The following ZNF638 variants were observed in gnomAD, a reference collection of about 807,000 sequenced individuals.
ZNF638 encodes the protein CTCL tumor antigen se33-1.
ZNF638 carries 46 observed loss-of-function variants against 195.6 expected under a neutral mutation model. That is an observed-to-expected ratio of 0.24 (90% confidence interval 0.19 to 0.30). ZNF638 has a LOEUF of 0.30. Ranked by LOEUF, ZNF638 falls within the 10% of genes least tolerant of loss-of-function variation. The probability of loss-of-function intolerance (pLI) is 1.00; values close to 1 mark genes in which losing one functional copy is unlikely to be tolerated. For missense variants in ZNF638, 2,440 were observed against 2,325.3 expected (o/e 1.05, Z -1.01); for synonymous variants, 845 against 772.0 (o/e 1.09, Z -1.57).
intron 3 of ZNF638, among the ~76,000 whole-genome samples, chr2:71,358,669 T>TG (rs2079062275): frequency 6.6e-6 from 1 of 152,234 alleles, no homozygotes; most frequent in African/African-American, 2.4e-5. Flanking sequence ...GGCCTCATGA[T>TG]GCCTTCACAG....
rs375176959 is a variant in ZNF638, at chr2:71,341,191, C to T, written c.-202-7562C>T. 2.0e-5 allele frequency among the ~76,000 whole-genome samples: 3 copies of T among 152,166 alleles called. 1 individual carries two copies. In the South Asian group the frequency reaches 6.2e-4, roughly 32 times the overall value. Reference sequence around the variant, plus strand: ...TCAAGCCGTTTCATCATGGCTTCCTCAAGAACCCAGTTTCTACTATGTTTC... The same window carrying T: ...TCAAGCCGTTTCATCATGGCTTCCTTAAGAACCCAGTTTCTACTATGTTTC... On this transcript the variant is annotated intron_variant, in intron 1 of 27. Coordinates refer to ENST00000264447, the MANE Select transcript of ZNF638 (RefSeq NM_014497.5).
At chr2:71,421,124 G>T (rs2080423228) in intron 21 of ZNF638, among the ~76,000 whole-genome samples, 1 of 152,058 alleles carries the variant, frequency 6.6e-6, no homozygotes, top group Non-Finnish European at 1.5e-5. Flanking sequence ...TTTATGTAGG[G>T]TTAATATGCA....
Position 71,349,970 on chromosome 2 carries a change from C to T in ZNF638, c.1016C>T (p.Ser339Leu), listed in dbSNP as rs200383884. The change falls in exon 2 of 28, where the codon TCG becomes TTG. Residue 339 changes from serine to leucine, a missense_variant. Ser to Leu is a moderately radical substitution (Grantham distance 145). Transcript: ENST00000264447. ...TCTATGAACCAGCAACCTTTTTCGT[C>T]GGAATTAATTTCATCTGTAAGCCAG... ...PPSMNQQPFS[S>L]ELISSVSQQE... 1.2e-4 allele frequency: 195 copies of T among 1,614,132 alleles called. 1 individual carries two copies. The highest frequency in any genetic ancestry group is 4.9e-4 in the South Asian group (45 of 91,082).
At chr2:71,399,808 G>A (rs1294219598) in intron 13 of ZNF638, among the ~76,000 whole-genome samples, 163 bp downstream of exon 13, 1 of 152,120 alleles carries the variant, frequency 6.6e-6, no homozygotes, top group Non-Finnish European at 1.5e-5. Flanking sequence ...GGACCCATTA[G>A]TTATTTTTCC....
intron 1 of ZNF638, among the ~76,000 whole-genome samples, chr2:71,338,216 AC>A (rs2078704647): frequency 6.6e-6 from 1 of 152,150 alleles, no homozygotes; most frequent in Non-Finnish European, 1.5e-5. Context: ...CCTCTGTAAC[AC>A]CCACTCATGA....
At chr2:71,392,155 A>G (rs1450392611) in intron 10 of ZNF638, among the ~76,000 whole-genome samples, 1 of 152,120 alleles carries the variant, frequency 6.6e-6, no homozygotes, top group Non-Finnish European at 1.5e-5. Context: ...CCATCTCTAG[A>G]TTTTCAATTA....
chr2:71,360,536 T>C (rs2079091634), intron 3 of ZNF638, among the ~76,000 whole-genome samples: 1 of 152,318 alleles, frequency 6.6e-6, no homozygotes, highest in East Asian at 1.9e-4. Flanking sequence ...TCTCTTTTAA[T>C]CTAGAATAGC....
intron 1 of ZNF638, among the ~76,000 whole-genome samples, chr2:71,345,774 A>C (rs2078840995): frequency 6.6e-6 from 1 of 152,116 alleles, no homozygotes; most frequent in African/African-American, 2.4e-5. Context: ...CCAAAGTGCT[A>C]GGACTACCGG....
chr2:71,430,388 T>C (rs1211132493), intron 25 of ZNF638, among the ~76,000 whole-genome samples: 8 of 152,124 alleles, frequency 5.3e-5, no homozygotes, highest in Admixed American at 4.6e-4. Context: ...CTTTTTCTTA[T>C]TGATTGTAGG....
At chr2:71,381,658 C>G (rs1431959609) in intron 10 of ZNF638, among the ~76,000 whole-genome samples, 1 of 152,054 alleles carries the variant, frequency 6.6e-6, no homozygotes, top group Non-Finnish European at 1.5e-5. Context: ...AGAGTAATTT[C>G]TGAAAGAAGT....
intron 11 of ZNF638, among the ~76,000 whole-genome samples, chr2:71,397,981 C>T (rs966455773): frequency 6.6e-6 from 1 of 152,094 alleles, no homozygotes; most frequent in Admixed American, 6.6e-5. Flanking sequence ...AATTAGGAGC[C>T]GTGGAAGTGT....
At chr2:71,333,442 G>T (rs1382759882) in intron 1 of ZNF638, among the ~76,000 whole-genome samples, 1 of 152,078 alleles carries the variant, frequency 6.6e-6, no homozygotes, top group African/African-American at 2.4e-5. Flanking sequence ...TTGTATATTG[G>T]TTGTATTTGT....
At chr2:71,392,381 C>T (rs140014557) in intron 10 of ZNF638, among the ~76,000 whole-genome samples, 53 of 152,278 alleles carry the variant, frequency 3.5e-4, no homozygotes, top group Admixed American at 1.2e-3. Context: ...GATTTACTAC[C>T]GCTCAGGGAG....
In ZNF638 at chr2:71,402,564, C is replaced by CTGAT. The variant is rs1397106703; in HGVS notation, c.2829+478_2829+479insGATT. 2.0e-5 allele frequency among the ~76,000 whole-genome samples: 3 copies of CTGAT among 152,138 alleles called. No homozygotes were observed. In the East Asian group the frequency reaches 5.8e-4, roughly 29 times the overall value. The stretch of plus-strand genomic sequence containing the variant: ...ACTTGTATTTCATACTCTTTCTGCT[C>CTGAT]TTATCAGTGATACTCAAATGGGAAG... On this transcript the variant is annotated intron_variant, in intron 16 of 27. Transcript: ENST00000264447.
At chr2:71,372,851 C>T (rs575662096) in intron 8 of ZNF638, among the ~76,000 whole-genome samples, 2 of 152,294 alleles carry the variant, frequency 1.3e-5, no homozygotes, top group African/African-American at 4.8e-5. Flanking sequence ...TAGTGCATTC[C>T]TCATTCTTTG....
chr2:71,345,527 T>C (rs1424488798), intron 1 of ZNF638, among the ~76,000 whole-genome samples: 2 of 152,052 alleles, frequency 1.3e-5, no homozygotes, highest in Non-Finnish European at 2.9e-5. Context: ...GAGTAGCTAG[T>C]TGGAAAAAAC....
chr2:71,403,845 G>A lies in ZNF638; in HGVS notation c.2830-25G>A, dbSNP rs760422840. On this transcript the variant is annotated intron_variant, in intron 16 of 27. Coordinates refer to ENST00000264447, the MANE Select transcript of ZNF638 (RefSeq NM_014497.5). Reference sequence around the variant, plus strand: ...GAAAAAGTAACATAAGATTTTTCTTGTTACCTTAATTTCTGTTTTAAAAGG... The same window carrying A: ...GAAAAAGTAACATAAGATTTTTCTTATTACCTTAATTTCTGTTTTAAAAGG... 3.4e-6 allele frequency: 5 copies of A among 1,476,990 alleles called. No individual in the cohort carries two copies. The South Asian group carries it at 5.3e-5, about 16-fold the overall frequency. 91.5% of individuals were successfully genotyped at this position (1,476,990 alleles called of 1,614,324 possible).
chr2:71,365,564 C>T lies in ZNF638; in HGVS notation c.1853C>T (p.Pro618Leu), dbSNP rs770980692. 1 of 1,613,954 alleles carries T rather than the reference C, an allele frequency of 6.2e-7. No homozygotes were observed. Residue 618 changes from proline to leucine, a missense_variant, in exon 6 of 28, where the codon CCA becomes CTA. Pro to Leu is a moderately conservative substitution (Grantham distance 98). Coordinates refer to ENST00000264447, the MANE Select transcript of ZNF638 (RefSeq NM_014497.5). ...CCTAAAACTAGCAGTGGAACAAAAC[C>T]ATCAGTTAAACCTACAAGCGCTACA... ...QKPKTSSGTKPSVKPTSATKS... is the reference protein window; with the variant it reads ...QKPKTSSGTKLSVKPTSATKS...
intron 2 of ZNF638, among the ~76,000 whole-genome samples, chr2:71,355,191 C>T (rs991723060): frequency 2.0e-5 from 3 of 151,972 alleles, no homozygotes; most frequent in African/African-American, 7.2e-5. Flanking sequence ...CTCCTGAACT[C>T]GTGATCCGCC....
Sources: gnomAD v4.1 joint callset for allele counts (sites outside exome capture counted in the v4.1 genomes callset) on GRCh38, gnomAD v4.1.1 for gene constraint, MANE v1.5 for transcripts, NCBI Gene and HGNC (gene_info 2026-07-23, HGNC 2026-07-21) for gene names.